Variants in RNF135 observed in about 807,000 individuals in gnomAD.
The protein encoded by RNF135 is E3 ubiquitin-protein ligase RNF135.
RNF135 carries 46 observed loss-of-function variants against 41.9 expected under a neutral mutation model. The observed-to-expected ratio is 1.10, with a 90% CI of 0.87 to 1.40. The LOEUF (loss-of-function observed/expected upper bound fraction) is 1.40, where lower values mean the gene tolerates loss of function less well. Among genes scored for constraint, RNF135 ranks in the 40% most tolerant of loss-of-function variants. RNF135 has a pLI of 0.00. For synonymous variants in RNF135, 238 were observed against 223.8 expected (o/e 1.06, Z -0.57); for missense variants, 539 against 549.8 (o/e 0.98, Z 0.20).
At position 30,999,246 on chromosome 17, in the gene RNF135, A is replaced by G. The variant is rs527699238; in HGVS notation, c.*55A>G. The G allele has an allele frequency of 1.9e-6, 3 of 1,565,500 alleles. No homozygotes were observed. Among genetic ancestry groups the G allele is most frequent in the Non-Finnish European group, 2.6e-6 (3 of 1,145,354 alleles). On this transcript the variant is annotated 3_prime_UTR_variant, in exon 5 of 5. Transcript: ENST00000328381. The stretch of plus-strand genomic sequence containing the variant: ...TTCCTGGTCTCTCTCCCTGTCATCA[A>G]TCAGGGTAGTAACTTGACTTAAGAA...
chr17:30,986,478 C>T (rs752251312), intron 2 of RNF135, among the ~76,000 whole-genome samples: 25 of 152,116 alleles, frequency 1.6e-4, no homozygotes, highest in Non-Finnish European at 2.9e-4. Context: ...TACAGGCGTG[C>T]GCCACATTGC....
At chr17:30,970,047 T>C (rs1360759935), upstream of RNF135, among the ~76,000 whole-genome samples, 1 of 152,168 alleles carries the variant, frequency 6.6e-6, no homozygotes, top group Non-Finnish European at 1.5e-5. Flanking sequence ...TTGTATTATC[T>C]GATACCTACT....
In RNF135 at chr17:30,988,104, A is replaced by C. The variant is rs754980948; in HGVS notation, c.677A>C (p.Gln226Pro). The C allele has an allele frequency of 8.1e-6, 13 of 1,613,772 alleles. No individual in the cohort carries two copies. In the South Asian group the frequency reaches 1.1e-4, roughly 14 times the overall value. Reference sequence around the variant, plus strand: ...AAAGAGGCTCCTGAAGCACAAATGCAGGGTGAGCTGATCTTATTTATTGGA... The same window carrying C: ...AAAGAGGCTCCTGAAGCACAAATGCCGGGTGAGCTGATCTTATTTATTGGA... ...TWKEAPEAQMQGELLEAPSSS... is the reference protein window; with the variant it reads ...TWKEAPEAQMPGELLEAPSSS... The change falls in exon 3 of 5, where the codon CAG becomes CCG. Residue 226 changes from glutamine to proline, a missense_variant and splice_region_variant. Gln to Pro is a moderately conservative substitution (Grantham distance 76, BLOSUM62 -1). Around this residue, in one of 2 missense-constraint regions of RNF135, gnomAD observed 262 missense variants for 336.9 expected, o/e 0.78. Coordinates refer to ENST00000328381, the MANE Select transcript of RNF135 (RefSeq NM_032322.4).
Position 30,999,878 on chromosome 17 carries a change from T to G in RNF135, c.*687T>G, listed in dbSNP as rs1211714332. On this transcript the variant is annotated 3_prime_UTR_variant, in exon 5 of 5. Transcript: ENST00000328381. ...CATTGCTGATTTTAATCTGTATCCT[T>G]TCACTGTAATAAACTGTAACTATGA... The G allele has an allele frequency of 6.5e-6, 1 of 153,690 alleles. No homozygotes were observed. The highest frequency in any genetic ancestry group is 1.5e-5 in the Non-Finnish European group (1 of 68,798). 9.5% of individuals were successfully genotyped at this position (153,690 alleles called of 1,614,324 possible).
At chr17:30,996,193 G>T (rs533298283) in intron 3 of RNF135, among the ~76,000 whole-genome samples, 1 of 149,388 alleles carries the variant, frequency 6.7e-6, no homozygotes, top group Admixed American at 6.7e-5. Flanking sequence ...AGGTTCAAGT[G>T]ATTCTCCTGC....
chr17:30,985,639 C>T (rs985795156), intron 2 of RNF135, among the ~76,000 whole-genome samples: 1 of 152,234 alleles, frequency 6.6e-6, no homozygotes, highest in Admixed American at 6.5e-5. Flanking sequence ...CTGTCATAGT[C>T]TTCCAAATGC....
At chr17:30,993,482 G>A (rs1908128681) in intron 3 of RNF135, among the ~76,000 whole-genome samples, 1 of 152,054 alleles carries the variant, frequency 6.6e-6, no homozygotes, top group Non-Finnish European at 1.5e-5. Context: ...TGGGATTACA[G>A]GCATGAGCCA....
chr17:30,998,055 G>T (rs1391200559), intron 4 of RNF135, among the ~76,000 whole-genome samples: 1 of 152,200 alleles, frequency 6.6e-6, no homozygotes, highest in African/African-American at 2.4e-5. Context: ...GTGAGCCACC[G>T]CACCTTGCCT....
chr17:30,993,723 A>G, intron 3 of RNF135: 1 of 816,540 alleles, frequency 1.2e-6, no homozygotes, highest in Non-Finnish European at 1.9e-6. Context: ...AAAAGTAAAT[A>G]ACTTCAGTAG....
At chr17:30,993,836 A>G (rs1259896701) in intron 3 of RNF135, 2 of 872,034 alleles carry the variant, frequency 2.3e-6, no homozygotes, top group Non-Finnish European at 3.6e-6. Flanking sequence ...TTATTTTGAC[A>G]CAGGTTCTCT....
intron 3 of RNF135, among the ~76,000 whole-genome samples, chr17:30,991,796 G>A (rs1908009584): frequency 6.6e-6 from 1 of 151,964 alleles, no homozygotes. Context: ...TGACATTTAG[G>A]AGCTCTTTGT....
In RNF135 at chr17:30,999,080, G is replaced by A. The variant is rs772832007; in HGVS notation, c.1188G>A (p.Glu396=). Residue 396 remains glutamate, a synonymous_variant, in exon 5 of 5, where the codon GAG becomes GAA. Transcript: ENST00000328381. ...CCTTCTATTCAGTGGACAATCAGGA[G>A]AAGCTTCTGTATGAGTGTACCATCT... ...KLAFYSVDNQ[E]KLLYECTISA... The A allele has an allele frequency of 1.9e-6, 3 of 1,614,186 alleles. No homozygotes were observed. Among genetic ancestry groups the A allele is most frequent in the Non-Finnish European group, 2.5e-6 (3 of 1,180,042 alleles).
upstream of RNF135, among the ~76,000 whole-genome samples, chr17:30,966,581 G>A (rs962635765): frequency 5.3e-5 from 8 of 151,064 alleles, no homozygotes; most frequent in Admixed American, 1.3e-4. Flanking sequence ...TGCAGGCTCT[G>A]CCTCCCAGGG....
At chr17:30,993,040 T>TTTTTTA (rs1555575318) in intron 3 of RNF135, among the ~76,000 whole-genome samples, 3 of 146,290 alleles carry the variant, frequency 2.1e-5, no homozygotes, top group African/African-American at 7.7e-5. Flanking sequence ...GTTTTATTTG[T>TTTTTTA]TTATTATTAT....
At chr17:30,987,192 G>A (rs1409442088) in intron 2 of RNF135, among the ~76,000 whole-genome samples, 4 of 151,812 alleles carry the variant, frequency 2.6e-5, no homozygotes, top group African/African-American at 7.3e-5. Context: ...GAGCTCTTGC[G>A]AAGTGAAATG....
rs563085837 is a variant in RNF135, at chr17:30,977,254, CCT to C, written c.372+5810_372+5811del. Among the ~76,000 whole-genome samples, 142 of 152,168 alleles carry C rather than the reference CCT, an allele frequency of 9.3e-4. 1 individual carries two copies. The highest frequency in any genetic ancestry group is 3.3e-3 in the African/African-American group (138 of 41,512). On this transcript the variant is annotated intron_variant, in intron 1 of 4. Coordinates refer to ENST00000328381, the MANE Select transcript of RNF135 (RefSeq NM_032322.4). Reference sequence around the variant, plus strand: ...AAAACTCTACACTTCAAATTCATCCCCTGCTATTTAATTTTTTGTTATTTCTG... The same window carrying C: ...AAAACTCTACACTTCAAATTCATCCCGCTATTTAATTTTTTGTTATTTCTG...
chr17:30,971,499 G>A, intron 1 of RNF135, 54 bp downstream of exon 1: 1 of 1,434,366 alleles, frequency 7.0e-7, no homozygotes, highest in Non-Finnish European at 9.0e-7. Flanking sequence ...CCCGCCGCCT[G>A]ACCCTTTCCC....
Position 30,984,731 on chromosome 17 carries a change from C to A in RNF135, c.487C>A (p.Pro163Thr). Residue 163 changes from proline (P) to threonine (T), a missense_variant, in exon 2 of 5, where the codon CCA (proline) becomes ACA (threonine). By Grantham distance (38) the Pro-to-Thr change is conservative (BLOSUM62 -1). Around this residue, in one of 2 missense-constraint regions of RNF135, gnomAD observed 262 missense variants for 336.9 expected, o/e 0.78. Transcript: ENST00000328381. ...TCAGAGGCCCCTATCAGAATCTGGA[C>A]CAGACAACGAACTGAGCATCCTGGG... Reference protein sequence around the residue: ...QNQRPLSESGPDNELSILGKA... With the variant: ...QNQRPLSESGTDNELSILGKA... 6.2e-7 allele frequency: 1 copy of A among 1,614,082 alleles called. No homozygotes were observed. Among genetic ancestry groups the A allele is most frequent in the South Asian group, 1.1e-5 (1 of 91,074 alleles).
intron 2 of RNF135, among the ~76,000 whole-genome samples, chr17:30,986,237 G>C (rs1480554960): frequency 3.3e-5 from 5 of 150,838 alleles, no homozygotes; most frequent in Non-Finnish European, 7.4e-5. Flanking sequence ...TTGAGACAGA[G>C]TCTTGCTGGA....
Sources: gnomAD v4.1 joint callset for allele counts (sites outside exome capture counted in the v4.1 genomes callset) on GRCh38, gnomAD v4.1.1 for gene constraint, gnomAD v4.1.1 regional missense constraint, MANE v1.5 for transcripts, NCBI Gene and HGNC (gene_info 2026-07-23, HGNC 2026-07-21) for gene names.